Variants in GTF2F1 observed in about 807,000 individuals in gnomAD.
GTF2F1 encodes the protein general transcription factor IIF 74 kDa subunit.
Under a neutral mutation model 63.5 loss-of-function variants are expected in GTF2F1, and 39 were observed. The observed-to-expected ratio is 0.61, with a 90% CI of 0.48 to 0.80. The LOEUF (loss-of-function observed/expected upper bound fraction) is 0.80, where lower values mean the gene tolerates loss of function less well. Ranked by LOEUF, GTF2F1 falls within the 30% of genes least tolerant of loss-of-function variation. The probability of loss-of-function intolerance (pLI) is 0.00; values close to 1 mark genes in which losing one functional copy is unlikely to be tolerated. For synonymous variants in GTF2F1, 287 were observed against 285.3 expected, an observed-to-expected ratio of 1.01 and a Z score of -0.06; for missense variants, 657 against 718.3, an observed-to-expected ratio of 0.91 and a Z score of 0.97.
chr19:6,383,610 C>T lies in GTF2F1; in HGVS notation c.498-115G>A, dbSNP rs553199554. ...ATAGCCTTCAAGGTGATGTGGCCCC[C>T]GGGGACTTGGGCTGTGGCACAGGAC... On this transcript the variant is annotated intron_variant, in intron 5 of 12. Transcript: ENST00000394456. This position sits in a 1 kb window ranked among gnomAD's most constrained non-coding sequence, Gnocchi z 4.5. The T allele has an allele frequency of 1.9e-5, 21 of 1,113,948 alleles. No individual in the cohort carries two copies. In the South Asian group the frequency reaches 2.1e-4, roughly 11 times the overall value. The allele number at this position is 1,113,948 out of a possible 1,614,324, so 69.0% of individuals were successfully genotyped here. A position where few individuals can be genotyped will look rare whatever the true frequency, so the allele number is the denominator to read the frequency against.
intron 4 of GTF2F1, among the ~76,000 whole-genome samples, chr19:6,389,086 A>G (rs1599215262): frequency 6.6e-6 from 1 of 152,006 alleles, no homozygotes; most frequent in African/African-American, 2.4e-5. Context: ...TACAAAAATT[A>G]GCTGGGCGTG....
In GTF2F1 at chr19:6,381,572, G is replaced by T. The variant is rs747797295; in HGVS notation, c.880C>A (p.Gln294Lys). Reference protein sequence around the residue: ...EPESKAKAPQQEEGPKGVDEQ... With the variant: ...EPESKAKAPQKEEGPKGVDEQ... ...CGCCTACCCTTGGGCCCCTCCTCCTGCTGCGGCGCCTTGGCCTTGCTCTCA... is the reference window on the plus strand; with the variant it reads ...CGCCTACCCTTGGGCCCCTCCTCCTTCTGCGGCGCCTTGGCCTTGCTCTCA... The change falls in exon 8 of 13, where the codon CAG (glutamine) becomes AAG (lysine). Residue 294 changes from glutamine (Q) to lysine (K), a missense_variant. Physicochemically the swap from Gln to Lys is moderately conservative, Grantham distance 53. Around this residue, in one of 2 missense-constraint regions of GTF2F1, gnomAD observed 602 missense variants for 625.6 expected, o/e 0.96. Transcript: ENST00000394456. The surrounding 1 kb of genome is among the most constrained non-coding windows in gnomAD (Gnocchi z 4.1). The T allele has an allele frequency of 1.9e-6, 3 of 1,613,528 alleles. No individual in the cohort carries two copies. In the South Asian group the frequency reaches 3.3e-5, roughly 18 times the overall value.
Position 6,381,163 on chromosome 19 carries a change from T to A in GTF2F1, c.1051A>T (p.Ser351Cys). 6.2e-7 allele frequency: 1 copy of A among 1,611,696 alleles called. No individual in the cohort carries two copies. The highest frequency in any genetic ancestry group is 1.1e-5 in the South Asian group (1 of 90,642). ...GAGGAGGCCTCGCTGTCAATGTCGCTCTCCTCTGAGCTGTCCGACTCCTCG... is the reference window on the plus strand; with the variant it reads ...GAGGAGGCCTCGCTGTCAATGTCGCACTCCTCTGAGCTGTCCGACTCCTCG... ...SSEESDSSEE[S>C]DIDSEASSAL... Residue 351 changes from serine (S) to cysteine (C), a missense_variant, in exon 10 of 13, where the codon AGC (serine) becomes TGC (cysteine). Physicochemically the swap from Ser to Cys is moderately radical, Grantham distance 112. This residue lies in a region of GTF2F1 where 602 missense variants were observed against 625.6 expected (regional missense o/e 0.96). Transcript: ENST00000394456. This position sits in a 1 kb window ranked among gnomAD's most constrained non-coding sequence, Gnocchi z 4.1.
rs377361248 is a variant in GTF2F1 at position 6,392,947 on chromosome 19, C to T, written c.12+37G>A. 84 of 1,613,946 alleles carry T rather than the reference C, an allele frequency of 5.2e-5. No homozygotes were observed. In the South Asian group the frequency reaches 7.6e-4, roughly 15 times the overall value. ...GTGAGTGAGGGGTCGCCGAGGTCGC[C>T]GTCGGAACCCCCGAACCCCGCCAAA... On this transcript the variant is annotated intron_variant, in intron 1 of 12. Transcript: ENST00000394456.
Position 6,391,896 on chromosome 19 carries a change from A to G in GTF2F1, c.132+6T>C. On this transcript the variant is annotated splice_donor_region_variant and intron_variant, in intron 3 of 12. Coordinates refer to ENST00000394456, the MANE Select transcript of GTF2F1 (RefSeq NM_002096.3). ...AGCCCCTGACCCCCAGGACTCAGAG[A>G]CTTACCTGATTCCACGTAGCAAAGT... 1 of 1,553,496 alleles carries G rather than the reference A, an allele frequency of 6.4e-7. No individual in the cohort carries two copies. Among genetic ancestry groups the G allele is most frequent in the Non-Finnish European group, 8.8e-7 (1 of 1,137,914 alleles).
At position 6,381,416 on chromosome 19, in the gene GTF2F1, T is replaced by C. The variant is rs376033757; in HGVS notation, c.961A>G (p.Lys321Glu). The change falls in exon 9 of 13, where the codon AAG becomes GAG. Residue 321 changes from lysine to glutamate, a missense_variant. Physicochemically the swap from Lys to Glu is moderately conservative, Grantham distance 56 (BLOSUM62 1). Transcript: ENST00000394456. The surrounding 1 kb of genome is among the most constrained non-coding windows in gnomAD (Gnocchi z 4.1). ...SEEEKPPEED[K>E]EEEEEKKAPT... is the part of the protein sequence containing the mutation. ...GCCTTCTTCTCCTCCTCCTCCTCCT[T>C]GTCCTCCTCAGGCGGCTTCTCCTCC... The C allele has an allele frequency of 3.8e-5, 61 of 1,610,626 alleles. No individual in the cohort carries two copies. The highest frequency in any genetic ancestry group is 5.1e-5 in the Non-Finnish European group (60 of 1,179,560).
chr19:6,387,343 C>A (rs2091977481), intron 5 of GTF2F1, 46 bp downstream of exon 5: 3 of 1,578,022 alleles, frequency 1.9e-6, no homozygotes, highest in Non-Finnish European at 2.6e-6. Flanking sequence ...GGCAAGGCAC[C>A]CCATTTCCCT....
intron 4 of GTF2F1, among the ~76,000 whole-genome samples, chr19:6,388,772 A>C (rs1447389268): frequency 6.6e-6 from 1 of 152,064 alleles, no homozygotes; most frequent in Non-Finnish European, 1.5e-5. Flanking sequence ...ACGCAGCAAG[A>C]CCCCATCTCT....
intron 4 of GTF2F1, among the ~76,000 whole-genome samples, chr19:6,388,372 T>G (rs559638415): frequency 6.6e-6 from 1 of 152,296 alleles, no homozygotes; most frequent in African/African-American, 2.4e-5. Context: ...GCCTCTTCCC[T>G]GCCTACAGCT....
At position 6,380,505 on chromosome 19, in the gene GTF2F1, G is replaced by A; in HGVS notation, c.1350-20C>T. ...ACGTCGCTGAGGATGGGAGGACGGG[G>A]AAGGTGGCATCAGTGAGATTGTCCC... is the stretch of plus-strand genomic sequence containing the variant. On this transcript the variant is annotated intron_variant, in intron 12 of 12. Transcript: ENST00000394456. The surrounding 1 kb of genome is among the most constrained non-coding windows in gnomAD (Gnocchi z 5.3). 1.9e-6 allele frequency: 3 copies of A among 1,613,482 alleles called. No homozygotes were observed. Among genetic ancestry groups the A allele is most frequent in the Non-Finnish European group, 2.5e-6 (3 of 1,179,420 alleles).
At chr19:6,392,713 G>C (rs1170325167) in intron 2 of GTF2F1, 144 bp downstream of exon 2, 1 of 809,362 alleles carries the variant, frequency 1.2e-6, no homozygotes, top group African/African-American at 1.7e-5. Context: ...AGAAGCCTCA[G>C]CTTAATCCCA....
In GTF2F1 at chr19:6,393,153, T is replaced by C. The variant is rs1371141779; in HGVS notation, c.-158A>G. ...AGGCGCCTCTGGCGCTGGGAAAAGGTAACCGGAAGAGGCGCTCAAGCTACT... is the reference window on the plus strand; with the variant it reads ...AGGCGCCTCTGGCGCTGGGAAAAGGCAACCGGAAGAGGCGCTCAAGCTACT... On this transcript the variant is annotated 5_prime_UTR_variant, in exon 1 of 13. Coordinates refer to ENST00000394456, the MANE Select transcript of GTF2F1 (RefSeq NM_002096.3). The C allele has an allele frequency of 2.2e-6, 2 of 911,908 alleles. No individual in the cohort carries two copies. The highest frequency in any genetic ancestry group is 3.4e-6 in the Non-Finnish European group (2 of 591,250). 56.5% of individuals were successfully genotyped at this position (911,908 alleles called of 1,614,324 possible).
chr19:6,387,673 GC>G, intron 4 of GTF2F1, 114 bp from the exon 5 acceptor site: 1 of 764,700 alleles, frequency 1.3e-6, no homozygotes, highest in Non-Finnish European at 2.1e-6. Context: ...ACCAAGAAAT[GC>G]CCATGAGGCC....
Position 6,380,229 on chromosome 19 carries a change from G to A in GTF2F1, c.*52C>T. On this transcript the variant is annotated 3_prime_UTR_variant, in exon 13 of 13. Coordinates refer to ENST00000394456, the MANE Select transcript of GTF2F1 (RefSeq NM_002096.3). The surrounding 1 kb of genome is among the most constrained non-coding windows in gnomAD (Gnocchi z 5.3). ...GAGCCTCACTCTAGGATGGCGAAGG[G>A]GCAGTGAGAGCCTTAAGTTCTGGGG... The A allele has an allele frequency of 2.1e-6, 3 of 1,433,058 alleles. No individual in the cohort carries two copies. The highest frequency in any genetic ancestry group is 2.3e-5 in the South Asian group (2 of 87,530). The allele number at this position is 1,433,058 out of a possible 1,614,324, so 88.8% of individuals were successfully genotyped here.
chr19:6,381,461 C>CGCTCTGA lies in GTF2F1; in HGVS notation c.915_916insTCAGAGC (p.Asp306SerfsTer5), dbSNP rs1568329062. On this transcript the variant is annotated frameshift_variant, in exon 9 of 13. Transcript: ENST00000394456. LOFTEE classifies it high-confidence loss of function. This position sits in a 1 kb window ranked among gnomAD's most constrained non-coding sequence, Gnocchi z 4.1. ...TCCTCCTCACTCTCCTCACTACTGT[C>CGCTCTGA]GCTCTGCTCATCGACACCTGGGAGG... is the stretch of plus-strand genomic sequence containing the variant. The CGCTCTGA allele has an allele frequency of 6.2e-7, 1 of 1,608,128 alleles. No homozygotes were observed. Among genetic ancestry groups the CGCTCTGA allele is most frequent in the Admixed American group, 1.7e-5 (1 of 59,948 alleles).
rs1421285417 is a variant in GTF2F1, at chr19:6,383,883, G to A, written c.498-388C>T. Among the ~76,000 whole-genome samples, 3 of 151,768 alleles carry A rather than the reference G, an allele frequency of 2.0e-5. No individual in the cohort carries two copies. Among genetic ancestry groups the A allele is most frequent in the African/African-American group, 4.8e-5 (2 of 41,290 alleles). On this transcript the variant is annotated intron_variant, in intron 5 of 12. Coordinates refer to ENST00000394456, the MANE Select transcript of GTF2F1 (RefSeq NM_002096.3). This position sits in a 1 kb window ranked among gnomAD's most constrained non-coding sequence, Gnocchi z 4.5. ...GTGATCTCGGCTCACTGCAACCTCC[G>A]CCTCCTGGCTTCAAGCAATTCTCCT...
At chr19:6,384,236 G>A (rs879733588) in intron 5 of GTF2F1, among the ~76,000 whole-genome samples, 5 of 151,858 alleles carry the variant, frequency 3.3e-5, no homozygotes, top group African/African-American at 9.7e-5. Context: ...GGTTGGGCGC[G>A]GTGGCTCACG....
chr19:6,385,696 G>C (rs1280695552), intron 5 of GTF2F1, among the ~76,000 whole-genome samples: 1 of 152,126 alleles, frequency 6.6e-6, no homozygotes, highest in African/African-American at 2.4e-5. Context: ...CTGGTGGGGA[G>C]GACGCTCTGA....
chr19:6,382,327 C>A (rs2091956113), intron 6 of GTF2F1, among the ~76,000 whole-genome samples: 1 of 151,990 alleles, frequency 6.6e-6, no homozygotes, highest in African/African-American at 2.4e-5. Flanking sequence ...AGACCCCAGT[C>A]TCTACAAAAA....
Sources: gnomAD v4.1 joint callset for allele counts (sites outside exome capture counted in the v4.1 genomes callset) on GRCh38, gnomAD v4.1.1 for gene constraint, gnomAD v4.1.1 regional missense constraint, Gnocchi (gnomAD v3.1) non-coding constraint, MANE v1.5 for transcripts, NCBI Gene and HGNC (gene_info 2026-07-23, HGNC 2026-07-21) for gene names.